DCAF1: variants seen among roughly 807,000 people sequenced by gnomAD.
DCAF1 encodes DDB1- and CUL4-associated factor 1.
DCAF1 carries 15 observed loss-of-function variants against 128.0 expected under a neutral mutation model. That is an observed-to-expected ratio of 0.12 (90% confidence interval 0.08 to 0.18). DCAF1 has a LOEUF of 0.18. Ranked by LOEUF, DCAF1 falls within the 10% of genes least tolerant of loss-of-function variation. The pLI is 1.00. For missense variants in DCAF1, 988 were observed against 1,649.5 expected (o/e 0.60, Z 6.95); for synonymous variants, 610 against 603.0 (o/e 1.01, Z -0.17).
chr3:51,496,213 T>C (rs1056094885), intron 2 of DCAF1, among the ~76,000 whole-genome samples: 1 of 151,856 alleles, frequency 6.6e-6, no homozygotes, highest in Non-Finnish European at 1.5e-5. Context: ...GATCACAAGG[T>C]CAGGAGTTCG....
In DCAF1 at chr3:51,429,314, A is replaced by C. The variant is rs1306265637; in HGVS notation, c.1624T>G (p.Ser542Ala). The change falls in exon 12 of 25, where the codon TCA becomes GCA. Residue 542 changes from serine (S) to alanine (A), a missense_variant. Transcript: ENST00000684031. ...ATGCCACCCTCAGTCCTCTGAAGTG[A>C]CTGCTTCACTTGTTCCAATTTAATG... ...LAIKLEQVKQ[S>A]LQRTEGGILV... is the part of the protein sequence containing the mutation. 1 of 780,642 alleles carries C rather than the reference A, an allele frequency of 1.3e-6. No individual in the cohort carries two copies. Among genetic ancestry groups the C allele is most frequent in the Non-Finnish European group, 2.4e-6 (1 of 417,944 alleles). The allele number at this position is 780,642 out of a possible 1,614,324, so 48.4% of individuals were successfully genotyped here.
chr3:51,474,956 T>G (rs1705253886), intron 3 of DCAF1, among the ~76,000 whole-genome samples: 1 of 151,952 alleles, frequency 6.6e-6, no homozygotes, highest in South Asian at 2.1e-4. Flanking sequence ...GGCTAACTTT[T>G]GTATTTTTAG....
chr3:51,444,548 C>A (rs1466664061), intron 6 of DCAF1, among the ~76,000 whole-genome samples: 1 of 152,034 alleles, frequency 6.6e-6, no homozygotes, highest in African/African-American at 2.4e-5. Flanking sequence ...GACGGGGTTT[C>A]GCTATGTTGG....
intron 2 of DCAF1, among the ~76,000 whole-genome samples, chr3:51,485,142 T>C (rs1415045741): frequency 6.6e-6 from 1 of 152,120 alleles, no homozygotes; most frequent in African/African-American, 2.4e-5. Context: ...CTCGAACTCC[T>C]GACCTCAGGT....
chr3:51,475,158 G>A (rs1281554691), intron 3 of DCAF1, among the ~76,000 whole-genome samples: 6 of 151,450 alleles, frequency 4.0e-5, no homozygotes, highest in Admixed American at 6.6e-5. Flanking sequence ...TTGAACTCCT[G>A]GACTCAAGCA....
chr3:51,400,616 AG>A lies in DCAF1; in HGVS notation c.4466-1790del, dbSNP rs549586789. Among the ~76,000 whole-genome samples the A allele has an allele frequency of 2.8e-4, 42 of 152,170 alleles. 1 individual carries two copies. Among genetic ancestry groups the A allele is most frequent in the South Asian group, 2.5e-3 (12 of 4,816 alleles). On this transcript the variant is annotated intron_variant, in intron 24 of 24. Coordinates refer to ENST00000684031, the MANE Select transcript of DCAF1 (RefSeq NM_001387579.1). ...AACTCCCCTCTGGTGGTCAGACCATAGGACGCCTTTCTCTACCTTCCTTATC... is the reference window on the plus strand; with the variant it reads ...AACTCCCCTCTGGTGGTCAGACCATAGACGCCTTTCTCTACCTTCCTTATC...
intron 10 of DCAF1, among the ~76,000 whole-genome samples, chr3:51,432,770 C>A (rs1174707688): frequency 6.6e-6 from 1 of 152,056 alleles, no homozygotes; most frequent in African/African-American, 2.4e-5. Flanking sequence ...GTTGTTTTTA[C>A]AATAACTCAT....
chr3:51,459,520 C>G (rs1577217551), intron 6 of DCAF1, among the ~76,000 whole-genome samples: 1 of 152,260 alleles, frequency 6.6e-6, no homozygotes, highest in East Asian at 1.9e-4. Context: ...TTATTCCAAT[C>G]AACAGAAAAA....
chr3:51,483,628 T>C, intron 3 of DCAF1, 91 bp downstream of exon 3: 2 of 826,262 alleles, frequency 2.4e-6, no homozygotes, highest in Admixed American at 1.9e-5. Context: ...TGTGTGTGTG[T>C]GTGTGTGTGT....
At position 51,397,894 on chromosome 3, in the gene DCAF1, T is replaced by C. The variant is rs1559461637; in HGVS notation, c.*875A>G. The C allele has an allele frequency of 6.0e-6, 1 of 166,702 alleles. No individual in the cohort carries two copies. The highest frequency in any genetic ancestry group is 1.5e-5 in the Non-Finnish European group (1 of 68,112). 10.3% of individuals were successfully genotyped at this position (166,702 alleles called of 1,614,324 possible). A position where few individuals can be genotyped will look rare whatever the true frequency, so the allele number is the denominator to read the frequency against. On this transcript the variant is annotated 3_prime_UTR_variant, in exon 25 of 25. Coordinates refer to ENST00000684031, the MANE Select transcript of DCAF1 (RefSeq NM_001387579.1). ...GTATTTTTTTTAAATAAATACACTT[T>C]ACATTAAAGAAAAAGGCCTTTGATT... is the stretch of plus-strand genomic sequence containing the variant.
At chr3:51,453,138 T>C (rs1460701950) in intron 6 of DCAF1, among the ~76,000 whole-genome samples, 1 of 152,196 alleles carries the variant, frequency 6.6e-6, no homozygotes, top group Non-Finnish European at 1.5e-5. Flanking sequence ...CAAAGACAGA[T>C]TCTTCTAGTC....
Position 51,398,176 on chromosome 3 carries a change from G to A in DCAF1, c.*593C>T, listed in dbSNP as rs182163105. 6.6e-6 allele frequency: 1 copy of A among 151,550 alleles called. No individual in the cohort carries two copies. Among genetic ancestry groups the A allele is most frequent in the African/African-American group, 2.4e-5 (1 of 41,242 alleles). 9.4% of individuals were successfully genotyped at this position (151,550 alleles called of 1,614,324 possible). On this transcript the variant is annotated 3_prime_UTR_variant, in exon 25 of 25. Coordinates refer to ENST00000684031, the MANE Select transcript of DCAF1 (RefSeq NM_001387579.1). ...TGACAGCATATGAGGCAACAAAACA[G>A]GTTAAAAAATCATATATTATATTTA... is the stretch of plus-strand genomic sequence containing the variant.
chr3:51,424,765 A>T (rs1354688650), intron 13 of DCAF1, among the ~76,000 whole-genome samples: 1 of 152,246 alleles, frequency 6.6e-6, no homozygotes, highest in Non-Finnish European at 1.5e-5. Context: ...GAAAATATTT[A>T]TAATTTAAAA....
intron 9 of DCAF1, among the ~76,000 whole-genome samples, chr3:51,439,717 C>A (rs1287250022): frequency 6.6e-6 from 1 of 152,028 alleles, no homozygotes; most frequent in Non-Finnish European, 1.5e-5. Context: ...TGTGGCCAGG[C>A]GTGATGGCTC....
At chr3:51,478,693 T>C (rs1705788199) in intron 3 of DCAF1, among the ~76,000 whole-genome samples, 1 of 152,092 alleles carries the variant, frequency 6.6e-6, no homozygotes. Context: ...CTTACTATGT[T>C]GCCCAAGCTG....
rs1046959680 is a variant in DCAF1, at chr3:51,422,321, G to A, written c.1958C>T (p.Thr653Ile). The part of the protein sequence containing the change: ...SVDVLDEAGS[T>I]VSTVGISIIL... ...GTACAACCTACCTACAGTAGAGACT[G>A]TAGATCCAGCCTCATCCAACACGTC... is the stretch of plus-strand genomic sequence containing the variant. Residue 653 changes from threonine to isoleucine, a missense_variant, in exon 14 of 25, where the codon ACA (threonine) becomes ATA (isoleucine). Thr to Ile is a moderately conservative substitution (Grantham distance 89). This residue lies in a region of DCAF1 where 185 missense variants were observed against 248.1 expected (regional missense o/e 0.75). Transcript: ENST00000684031. 3.9e-6 allele frequency: 3 copies of A among 766,440 alleles called. No homozygotes were observed. Among genetic ancestry groups the A allele is most frequent in the Non-Finnish European group, 7.3e-6 (3 of 411,306 alleles). 47.5% of individuals were successfully genotyped at this position (766,440 alleles called of 1,614,324 possible).
At chr3:51,460,136 A>C (rs572701729) in intron 6 of DCAF1, among the ~76,000 whole-genome samples, 1 of 152,344 alleles carries the variant, frequency 6.6e-6, no homozygotes, top group South Asian at 2.1e-4. Flanking sequence ...GGCAGATGAC[A>C]TGATTGTATA....
rs781786167 is a variant in DCAF1, at chr3:51,418,659, C to T, written c.3435+19G>A. The T allele has an allele frequency of 1.3e-6, 2 of 1,598,132 alleles. No individual in the cohort carries two copies. The highest frequency in any genetic ancestry group is 3.5e-5 in the Admixed American group (2 of 57,724). ...ATCTTGGAAGAATGACTGAGAGCATCCTAGGAAGGAACCCTTACCCTGGAA... is the reference window on the plus strand; with the variant it reads ...ATCTTGGAAGAATGACTGAGAGCATTCTAGGAAGGAACCCTTACCCTGGAA... On this transcript the variant is annotated intron_variant, in intron 16 of 24. Coordinates refer to ENST00000684031, the MANE Select transcript of DCAF1 (RefSeq NM_001387579.1).
chr3:51,457,252 A>G (rs1652887023), intron 6 of DCAF1, among the ~76,000 whole-genome samples: 1 of 152,214 alleles, frequency 6.6e-6, no homozygotes, highest in Non-Finnish European at 1.5e-5. Context: ...AGGCACAGAA[A>G]GCTACGTGAC....
Sources: gnomAD v4.1 joint callset for allele counts (sites outside exome capture counted in the v4.1 genomes callset) on GRCh38, gnomAD v4.1.1 for gene constraint, gnomAD v4.1.1 regional missense constraint, MANE v1.5 for transcripts, NCBI Gene and HGNC (gene_info 2026-07-23, HGNC 2026-07-21) for gene names.